The following ANXA11 variants were observed in gnomAD, a reference collection of about 807,000 sequenced individuals.
ANXA11 encodes the protein annexin A11.
ANXA11 carries 57 observed loss-of-function variants against 64.7 expected under a neutral mutation model. The observed-to-expected ratio is 0.88, with a 90% confidence interval of 0.71 to 1.10. The LOEUF is 1.10. Among genes scored for constraint, ANXA11 ranks in the 50% least tolerant of loss-of-function variants. ANXA11 has a pLI of 0.00. For synonymous variants in ANXA11, 260 were observed against 265.2 expected (o/e 0.98, Z 0.19); for missense variants, 675 against 670.7 (o/e 1.01, Z -0.07).
intron 10 of ANXA11, 35 bp from the exon 11 acceptor site, chr10:80,163,440 C>T (rs1335653922): frequency 6.2e-7 from 1 of 1,613,974 alleles, no homozygotes; most frequent in South Asian, 1.1e-5. Context: ...ATGCCCACTC[C>T]TTCCCCATTT....
In ANXA11 at chr10:80,163,607, T is replaced by C. The variant is rs1845609307; in HGVS notation, c.956A>G (p.Lys319Arg). ...TCGAATGGCCTCTTCCAGGGTCTTT[T>C]TGAATTCTGAAAGGGAGAAGCAAGG... ...ELNRAYKAEF[K>R]KTLEEAIRSD... The change falls in exon 10 of 16, where the codon AAA becomes AGA. Residue 319 changes from lysine (K) to arginine (R), a missense_variant. Coordinates refer to ENST00000422982, the MANE Select transcript of ANXA11 (RefSeq NM_145868.2). 2 of 1,553,452 alleles carry C rather than the reference T, an allele frequency of 1.3e-6. No homozygotes were observed. The highest frequency in any genetic ancestry group is 1.7e-6 in the Non-Finnish European group (2 of 1,148,494).
At chr10:80,193,191 C>T (rs965616829) in intron 1 of ANXA11, among the ~76,000 whole-genome samples, 2 of 152,158 alleles carry the variant, frequency 1.3e-5, no homozygotes, top group Non-Finnish European at 2.9e-5. Flanking sequence ...ACATTACTTG[C>T]ACAGCATCGA....
intron 1 of ANXA11, among the ~76,000 whole-genome samples, chr10:80,186,722 C>CAG: frequency 1.3e-5 from 2 of 152,292 alleles, no homozygotes; most frequent in Admixed American, 1.3e-4. Context: ...CCTGCCTCTC[C>CAG]AGACCAGGTG....
intron 1 of ANXA11, among the ~76,000 whole-genome samples, chr10:80,185,825 C>G (rs746980386): frequency 6.6e-6 from 1 of 152,234 alleles, no homozygotes; most frequent in Non-Finnish European, 1.5e-5. Context: ...CTACACTATA[C>G]TTCCTCACAG....
intron 3 of ANXA11, chr10:80,171,142 C>T: frequency 6.9e-7 from 1 of 1,452,268 alleles, no homozygotes; most frequent in Non-Finnish European, 9.1e-7. Context: ...AGGTGGAGTT[C>T]CCCAAACACT....
Position 80,170,858 on chromosome 10 carries a change from C to T in ANXA11, c.113G>A (p.Gly38Glu), listed in dbSNP as rs1002251764. 12 of 1,535,196 alleles carry T rather than the reference C, an allele frequency of 7.8e-6. No individual in the cohort carries two copies. The Admixed American group carries it at 1.3e-4, about 17-fold the overall frequency. ...YPPPPSMPPIGLDNVATYAGQ... is the reference protein window; with the variant it reads ...YPPPPSMPPIELDNVATYAGQ... ...CGCATAGGTGGCCACGTTATCCAGC[C>T]CGATGGGGGGCATGCTGGGCGGAGG... Residue 38 changes from glycine to glutamate, a missense_variant, in exon 4 of 16, where the codon GGG (glycine) becomes GAG (glutamate). Physicochemically the swap from Gly to Glu is moderately conservative, Grantham distance 98 (BLOSUM62 -2). Transcript: ENST00000422982.
chr10:80,182,497 A>G (rs7913325), intron 1 of ANXA11, among the ~76,000 whole-genome samples: 9,684 of 152,264 alleles, frequency 0.064, 454 homozygotes, highest in Middle Eastern at 0.13. Flanking sequence ...ATAAATGTAT[A>G]TGCATATGTG....
chr10:80,191,612 G>A (rs536039696), intron 1 of ANXA11, among the ~76,000 whole-genome samples: 33 of 152,094 alleles, frequency 2.2e-4, no homozygotes, highest in Admixed American at 2.1e-3. Context: ...CTTTCCAACG[G>A]CACAAGGAGG....
At position 80,166,893 on chromosome 10, in the gene ANXA11, G is replaced by T; in HGVS notation, c.741C>A (p.Gly247=). 1 of 1,604,398 alleles carries T rather than the reference G, an allele frequency of 6.2e-7. No homozygotes were observed. ...GCGCCCCCACCCCGCAGCTCGCCTTGCCGTAAGCCGTCTTGAAGGAAAGTA... is the reference window on the plus strand; with the variant it reads ...GCGCCCCCACCCCGCAGCTCGCCTTTCCGTAAGCCGTCTTGAAGGAAAGTA... ...QILLSFKTAY[G]KDLIKDLKSE... Residue 247 remains glycine, a synonymous_variant, in exon 7 of 16, where the codon GGC becomes GGA. Transcript: ENST00000422982.
chr10:80,172,850 A>C lies in ANXA11; in HGVS notation c.12T>G (p.Pro4=). 1 of 1,613,970 alleles carries C rather than the reference A, an allele frequency of 6.2e-7. No individual in the cohort carries two copies. The highest frequency in any genetic ancestry group is 1.1e-5 in the South Asian group (1 of 91,078). MSY[P]GYPPPPGGYP... ...AGCCACCTGGGGGCGGGGGATAGCC[A>C]GGGTAGCTCATGGTTAGATCTGGAA... The change falls in exon 3 of 16, where the codon CCT becomes CCG. Residue 4 remains proline, a synonymous_variant. Transcript: ENST00000422982.
intron 4 of ANXA11, among the ~76,000 whole-genome samples, chr10:80,169,752 T>C (rs1328563337): frequency 6.6e-6 from 1 of 152,148 alleles, no homozygotes; most frequent in Non-Finnish European, 1.5e-5. Flanking sequence ...GCAGGCATGT[T>C]CAGGTGAATC....
rs539615215 is a variant in ANXA11 at position 80,159,161 on chromosome 10, G to T, written c.1215C>A (p.Asp405Glu). 6.2e-7 allele frequency: 1 copy of T among 1,614,112 alleles called. No individual in the cohort carries two copies. Among genetic ancestry groups the T allele is most frequent in the Admixed American group, 1.7e-5 (1 of 60,024 alleles). ...FNEYQRMTGR[D>E]IEKSICREMS... ...TCTCCCGGCAGATGCTCTTCTCAAT[G>T]TCCCGGCCTGTCATTCTCTGGTACT... Residue 405 changes from aspartate (D) to glutamate (E), a missense_variant, in exon 13 of 16, where the codon GAC (aspartate) becomes GAA (glutamate). Physicochemically the swap from Asp to Glu is conservative, Grantham distance 45 (BLOSUM62 2). Coordinates refer to ENST00000422982, the MANE Select transcript of ANXA11 (RefSeq NM_145868.2).
intron 1 of ANXA11, among the ~76,000 whole-genome samples, chr10:80,190,270 G>A (rs990164079): frequency 2.6e-5 from 4 of 151,010 alleles, no homozygotes; most frequent in African/African-American, 4.9e-5. Context: ...TAAATTTTAC[G>A]TTGTGTATAT....
intron 1 of ANXA11, among the ~76,000 whole-genome samples, chr10:80,194,470 G>A (rs946027133): frequency 2.0e-5 from 3 of 152,014 alleles, no homozygotes; most frequent in African/African-American, 7.3e-5. Context: ...ACACAATAGC[G>A]CACTTCCAGG....
intron 11 of ANXA11, 29 bp downstream of exon 11, chr10:80,163,320 A>T: frequency 6.2e-7 from 1 of 1,612,194 alleles, no homozygotes; most frequent in Non-Finnish European, 8.5e-7. Context: ...CTGCTTTAGG[A>T]AGTCCAGGGG....
chr10:80,172,275 T>A (rs1161765445), intron 3 of ANXA11, among the ~76,000 whole-genome samples: 3 of 151,854 alleles, frequency 2.0e-5, no homozygotes, highest in Non-Finnish European at 2.9e-5. Flanking sequence ...AAACAGGGAG[T>A]GACCTTTGAC....
chr10:80,158,328 T>C (rs1006230480), intron 13 of ANXA11, among the ~76,000 whole-genome samples: 1 of 151,572 alleles, frequency 6.6e-6, no homozygotes, highest in Non-Finnish European at 1.5e-5. Context: ...AGGGAAGCAA[T>C]GTGGATGGTG....
Position 80,155,492 on chromosome 10 carries a change from C to T in ANXA11, c.*361G>A. The stretch of plus-strand genomic sequence containing the variant: ...AACAGACTTGTATGCCTCTGTCTGG[C>T]AATGACTGTAAGAAAAGAAAATATG... On this transcript the variant is annotated 3_prime_UTR_variant, in exon 16 of 16. Coordinates refer to ENST00000422982, the MANE Select transcript of ANXA11 (RefSeq NM_145868.2). 3.8e-6 allele frequency: 1 copy of T among 261,820 alleles called. No individual in the cohort carries two copies. The highest frequency in any genetic ancestry group is 5.6e-5 in the South Asian group (1 of 17,744). The allele number at this position is 261,820 out of a possible 1,614,324, so 16.2% of individuals were successfully genotyped here.
In ANXA11 at chr10:80,171,611, A is replaced by G. The variant is rs11201964; in HGVS notation, c.56-696T>C. On this transcript the variant is annotated intron_variant, in intron 3 of 15. Coordinates refer to ENST00000422982, the MANE Select transcript of ANXA11 (RefSeq NM_145868.2). Reference sequence around the variant, plus strand: ...CTGCTGTGACGAAGACTGAGTTAACACCTGCAGGGCTCAGCTGGGTGCCCG... The same window carrying G: ...CTGCTGTGACGAAGACTGAGTTAACGCCTGCAGGGCTCAGCTGGGTGCCCG... 0.14 allele frequency: 132,949 copies of G among 984,722 alleles called. 9,171 individuals carry two copies. The highest frequency in any genetic ancestry group is 0.24 in the South Asian group (5,003 of 21,274). 61.0% of individuals were successfully genotyped at this position (984,722 alleles called of 1,614,324 possible). A position where few individuals can be genotyped will look rare whatever the true frequency, so the allele number is the denominator to read the frequency against.
Sources: gnomAD v4.1 joint callset for allele counts (sites outside exome capture counted in the v4.1 genomes callset) on GRCh38, gnomAD v4.1.1 for gene constraint, MANE v1.5 for transcripts, NCBI Gene and HGNC (gene_info 2026-07-23, HGNC 2026-07-21) for gene names.